Variants in MAP4K5 observed in about 807,000 individuals in gnomAD.
MAP4K5 encodes the protein mitogen-activated protein kinase kinase kinase kinase 5, also known as MAPK/ERK kinase kinase kinase 5.
Under a neutral mutation model 135.6 loss-of-function variants are expected in MAP4K5, and 82 were observed. That is an observed-to-expected ratio of 0.60 (90% CI 0.51 to 0.73). The LOEUF (loss-of-function observed/expected upper bound fraction) is 0.73. Ranked by LOEUF, MAP4K5 falls within the 30% of genes least tolerant of loss-of-function variation. The pLI is 0.00. For synonymous variants in MAP4K5, 347 were observed against 335.0 expected, an observed-to-expected ratio of 1.04 and a Z score of -0.39; for missense variants, 907 against 1,010.9, an observed-to-expected ratio of 0.90 and a Z score of 1.39.
At chr14:50,490,130 A>AGTGT (rs34549753) in intron 3 of MAP4K5, among the ~76,000 whole-genome samples, 3,401 of 121,216 alleles carry the variant, frequency 0.028, 95 homozygotes, top group African/African-American at 0.067. Flanking sequence ...AGCGAGTGAG[A>AGTGT]GTGTGTGTGT....
rs776286237 is a variant in MAP4K5 at position 50,532,034 on chromosome 14, G to A, written c.16C>T (p.Arg6Trp). MEAPLRPAADILRRNP... is the reference protein window; with the variant it reads MEAPLWPAADILRRNP... ...CGCCTCAGGATGTCCGCGGCAGGCC[G>A]CAGCGGGGCCTCCATCTTCACTTAG... is the stretch of plus-strand genomic sequence containing the variant. The change falls in exon 2 of 33, where the codon CGG (arginine) becomes TGG (tryptophan). Residue 6 changes from arginine to tryptophan, a missense_variant. This residue lies in a region of MAP4K5 where 196 missense variants were observed against 189.3 expected (regional missense o/e 1.04). Transcript: ENST00000682126. 3 of 1,573,262 alleles carry A rather than the reference G, an allele frequency of 1.9e-6. No homozygotes were observed. The South Asian group carries it at 3.5e-5, about 18-fold the overall frequency.
intron 13 of MAP4K5, among the ~76,000 whole-genome samples, chr14:50,460,603 G>C (rs77274744): frequency 6.6e-6 from 1 of 152,286 alleles, no homozygotes; most frequent in South Asian, 2.1e-4. Context: ...AGTGGTTCAA[G>C]TAGAAAACAA....
chr14:50,437,946 C>G lies in MAP4K5; in HGVS notation c.1771G>C (p.Gly591Arg), dbSNP rs1441378455. Residue 591 changes from glycine to arginine, a missense_variant, in exon 25 of 33, where the codon GGA becomes CGA. This residue lies in a region of MAP4K5 where 690 missense variants were observed against 777.4 expected (regional missense o/e 0.89). Transcript: ENST00000682126. ...IALFEHAKKPGLAAHIQTHRF... is the reference protein window; with the variant it reads ...IALFEHAKKPRLAAHIQTHRF... The stretch of plus-strand genomic sequence containing the variant: ...TGAGTTTGAATATGGGCAGCTAATC[C>G]TGGTTTTTTGGCATGTTCAAACAAA... The G allele has an allele frequency of 6.2e-7, 1 of 1,612,628 alleles. No homozygotes were observed. The highest frequency in any genetic ancestry group is 8.5e-7 in the Non-Finnish European group (1 of 1,179,012).
chr14:50,424,782 C>CAGA (rs2035811000), intron 31 of MAP4K5, among the ~76,000 whole-genome samples: 1 of 143,976 alleles, frequency 6.9e-6, no homozygotes, highest in Admixed American at 6.9e-5. Flanking sequence ...CAGTAAGAAA[C>CAGA]AAGGACCTTC....
At chr14:50,493,987 C>CAA (rs1367187950) in intron 3 of MAP4K5, among the ~76,000 whole-genome samples, 4 of 133,666 alleles carry the variant, frequency 3.0e-5, no homozygotes, top group Non-Finnish European at 6.4e-5. Context: ...GAATCCATCG[C>CAA]AAAAAAAAAC....
chr14:50,482,682 C>T, intron 5 of MAP4K5: 2 of 258,848 alleles, frequency 7.7e-6, no homozygotes, highest in East Asian at 1.1e-4. Flanking sequence ...AAGGCTGAGG[C>T]AGGAGAATTG....
At chr14:50,547,038 T>C (rs1285171895) in intron 1 of MAP4K5, among the ~76,000 whole-genome samples, 1 of 152,090 alleles carries the variant, frequency 6.6e-6, no homozygotes, top group African/African-American at 2.4e-5. Flanking sequence ...AAGTGGGAGT[T>C]GAACAAAGAG....
chr14:50,453,609 T>A (rs560937810), intron 14 of MAP4K5, among the ~76,000 whole-genome samples: 1 of 152,260 alleles, frequency 6.6e-6, no homozygotes, highest in East Asian at 1.9e-4. Context: ...AGAAACAGAC[T>A]CAATTTCCAG....
At chr14:50,473,097 CT>C (rs1466847284) in intron 9 of MAP4K5, among the ~76,000 whole-genome samples, 1 of 151,952 alleles carries the variant, frequency 6.6e-6, no homozygotes, top group Non-Finnish European at 1.5e-5. Context: ...AATAATTTTT[CT>C]TTATATGTCT....
chr14:50,512,489 A>C (rs533131732), intron 2 of MAP4K5, among the ~76,000 whole-genome samples: 1 of 152,308 alleles, frequency 6.6e-6, no homozygotes, highest in East Asian at 1.9e-4. Context: ...ATGTGGTTAC[A>C]GAAGTAAAAT....
intron 9 of MAP4K5, chr14:50,471,827 G>A (rs1439470434): frequency 6.6e-6 from 1 of 152,154 alleles, no homozygotes; most frequent in Non-Finnish European, 1.5e-5. Context: ...CCCTATAAAT[G>A]TAAGAAATGT....
chr14:50,480,657 T>C (rs1211198535), intron 6 of MAP4K5, among the ~76,000 whole-genome samples: 2 of 152,198 alleles, frequency 1.3e-5, no homozygotes, highest in Non-Finnish European at 2.9e-5. Flanking sequence ...CATGCTCACA[T>C]AACAATAGGG....
intron 2 of MAP4K5, among the ~76,000 whole-genome samples, chr14:50,512,055 A>T (rs2037940887): frequency 6.6e-6 from 1 of 152,184 alleles, no homozygotes. Flanking sequence ...ACTATAGTTA[A>T]TAATATATCA....
intron 13 of MAP4K5, among the ~76,000 whole-genome samples, chr14:50,457,382 T>C (rs1398904957): frequency 1.3e-5 from 2 of 152,134 alleles, no homozygotes; most frequent in Admixed American, 6.6e-5. Flanking sequence ...AGTAAGAATA[T>C]TGTAGTAAGC....
At chr14:50,423,902 C>T (rs1429039729) in intron 31 of MAP4K5, among the ~76,000 whole-genome samples, 2 of 152,150 alleles carry the variant, frequency 1.3e-5, no homozygotes, top group East Asian at 1.9e-4. Flanking sequence ...GCTCAAGCCT[C>T]GTCATCTACA....
At chr14:50,555,885 T>C (rs141877576) in intron 1 of MAP4K5, among the ~76,000 whole-genome samples, 48 of 152,268 alleles carry the variant, frequency 3.2e-4, no homozygotes, top group African/African-American at 1.1e-3. Flanking sequence ...TTGCTATTTA[T>C]AGAGGGAAGG....
intron 2 of MAP4K5, among the ~76,000 whole-genome samples, chr14:50,526,895 C>A (rs2038276991): frequency 6.6e-6 from 1 of 152,098 alleles, no homozygotes; most frequent in East Asian, 1.9e-4. Context: ...TCCAGAGGAA[C>A]CCACGTTAGT....
intron 1 of MAP4K5, among the ~76,000 whole-genome samples, chr14:50,550,256 A>C (rs1280177340): frequency 6.6e-6 from 1 of 152,232 alleles, no homozygotes; most frequent in Non-Finnish European, 1.5e-5. Context: ...TGGTACTGTA[A>C]GCCAGAACTG....
intron 14 of MAP4K5, among the ~76,000 whole-genome samples, chr14:50,454,675 T>C (rs751329860): frequency 6.6e-6 from 1 of 152,076 alleles, no homozygotes; most frequent in African/African-American, 2.4e-5. Context: ...GGGCTAATAT[T>C]ATGGAATATA....
Sources: allele counts gnomAD v4.1 joint callset (sites outside exome capture counted in the v4.1 genomes callset), GRCh38; gene constraint gnomAD v4.1.1; regional missense constraint gnomAD v4.1.1; transcripts MANE v1.5; gene names NCBI Gene and HGNC (gene_info 2026-07-23, HGNC 2026-07-21).